The following SLFN12L variants were observed in gnomAD, a reference collection of about 807,000 sequenced individuals.
SLFN12L encodes the protein schlafen family member 12-like.
SLFN12L carries 34 observed loss-of-function variants against 34.8 expected under a neutral mutation model. That is an observed-to-expected ratio of 0.98 (90% CI 0.74 to 1.30). The LOEUF is 1.30. SLFN12L is among the 50% of genes most tolerant of loss of function. SLFN12L has a pLI of 0.00. For synonymous variants in SLFN12L, 259 were observed against 247.5 expected (o/e 1.05, Z -0.44); for missense variants, 703 against 696.2 (o/e 1.01, Z -0.11).
In SLFN12L at chr17:35,522,745, T is replaced by C. The variant is rs1280936843; in HGVS notation, c.-381A>G. On this transcript the variant is annotated 5_prime_UTR_variant, in exon 2 of 5. Transcript: ENST00000628453. Reference sequence around the variant, plus strand: ...CAAAGTAAGGGCAGTGCAAGTGCAGTAGTCCTGGCCCTGCCAGGGCTGTTC... The same window carrying C: ...CAAAGTAAGGGCAGTGCAAGTGCAGCAGTCCTGGCCCTGCCAGGGCTGTTC... The C allele has an allele frequency of 4.3e-6, 7 of 1,612,258 alleles. No individual in the cohort carries two copies. The African/African-American group carries it at 9.3e-5, about 22-fold the overall frequency.
chr17:35,522,272 T>C lies in SLFN12L; in HGVS notation c.86+7A>G. ...AATACTTAGAGACATAAGGTCCAAC[T>C]GCTTACCTGATGAAATTCCTCAGAA... On this transcript the variant is annotated splice_region_variant and intron_variant, in intron 2 of 4. Coordinates refer to ENST00000628453, the MANE Select transcript of SLFN12L (RefSeq NM_001363830.2). 1 of 1,614,084 alleles carries C rather than the reference T, an allele frequency of 6.2e-7. No homozygotes were observed. The highest frequency in any genetic ancestry group is 8.5e-7 in the Non-Finnish European group (1 of 1,179,980).
In SLFN12L at chr17:35,472,315, T is replaced by G. The variant is rs545747995; in HGVS notation, c.*2608A>C. On this transcript the variant is annotated 3_prime_UTR_variant, in exon 5 of 5. Transcript: ENST00000628453. Reference sequence around the variant, plus strand: ...ATCTTGGGTTAATTTTTGTATAAGGTGTAAGGAAGGGATCCAGTTTCAGTT... The same window carrying G: ...ATCTTGGGTTAATTTTTGTATAAGGGGTAAGGAAGGGATCCAGTTTCAGTT... 3.0e-4 allele frequency among the ~76,000 whole-genome samples: 45 copies of G among 152,294 alleles called. No homozygotes were observed. The highest frequency in any genetic ancestry group is 1.1e-3 in the African/African-American group (45 of 41,556).
rs565184153 is a variant in SLFN12L, at chr17:35,482,725, C to T, written c.87-2530G>A. Among the ~76,000 whole-genome samples, 10 of 152,266 alleles carry T rather than the reference C, an allele frequency of 6.6e-5. No individual in the cohort carries two copies. The South Asian group carries it at 8.3e-4, about 13-fold the overall frequency. On this transcript the variant is annotated intron_variant, in intron 2 of 4. Transcript: ENST00000628453. The stretch of plus-strand genomic sequence containing the variant: ...CTGGGAGCAAAGGCTGGCCAAACTC[C>T]GGAGACATAAATGGCAGTGGGAGGC...
At chr17:35,499,296 C>G in intron 2 of SLFN12L, 2 of 697,696 alleles carry the variant, frequency 2.9e-6, no homozygotes, top group Non-Finnish European at 4.2e-6. Context: ...ATAGCTAAAG[C>G]CAGACTAATG....
At chr17:35,530,463 A>G (rs1187152320) in intron 1 of SLFN12L, among the ~76,000 whole-genome samples, 2 of 62,854 alleles carry the variant, frequency 3.2e-5, no homozygotes, top group Admixed American at 2.0e-4. Context: ...AAAGAAAGAA[A>G]GAAAGAAAGA....
At chr17:35,536,898 G>A (rs1160001383) in intron 1 of SLFN12L, among the ~76,000 whole-genome samples, 1 of 151,686 alleles carries the variant, frequency 6.6e-6, no homozygotes, top group East Asian at 1.9e-4. Context: ...AGGCGAGGCT[G>A]GGTACGGTGG....
intron 2 of SLFN12L, among the ~76,000 whole-genome samples, chr17:35,511,295 A>G (rs1334207845): frequency 1.3e-5 from 2 of 152,216 alleles, no homozygotes; most frequent in African/African-American, 2.4e-5. Context: ...CTCTTCTGCA[A>G]TAACATTTCA....
chr17:35,473,097 A>G lies in SLFN12L; in HGVS notation c.*1826T>C, dbSNP rs143573479. 8.3e-4 allele frequency among the ~76,000 whole-genome samples: 126 copies of G among 152,356 alleles called. No homozygotes were observed. The highest frequency in any genetic ancestry group is 2.9e-3 in the African/African-American group (121 of 41,576). On this transcript the variant is annotated 3_prime_UTR_variant, in exon 5 of 5. Transcript: ENST00000628453. ...AGATATAAAATCATCTCATCTACAAATAAAGACAATTTGACTTCCTCTCTT... is the reference window on the plus strand; with the variant it reads ...AGATATAAAATCATCTCATCTACAAGTAAAGACAATTTGACTTCCTCTCTT...
intron 2 of SLFN12L, chr17:35,499,143 C>T (rs979116722): frequency 2.3e-6 from 2 of 866,720 alleles, no homozygotes; most frequent in Non-Finnish European, 3.7e-6. Flanking sequence ...AGACATGTCC[C>T]GCATCCATTT....
intron 2 of SLFN12L, chr17:35,510,141 T>C (rs1915592260): frequency 6.6e-6 from 1 of 152,228 alleles, no homozygotes; most frequent in Admixed American, 6.5e-5. Context: ...AAAAGCCAGC[T>C]TCCACTTTCT....
rs775141226 is a variant in SLFN12L at position 35,479,221 on chromosome 17, C to G, written c.1061G>C (p.Cys354Ser). The G allele has an allele frequency of 2.5e-6, 4 of 1,588,562 alleles. No homozygotes were observed. The African/African-American group carries it at 4.0e-5, about 16-fold the overall frequency. ...VYALRVERFCCAVFAKKPDSW... is the reference protein window; with the variant it reads ...VYALRVERFCSAVFAKKPDSW... ...ATCAGGCTTTTTAGCAAACACTGCA[C>G]AGCAGAAGCGTTCCACTCTGAGTGC... The change falls in exon 3 of 5, where the codon TGT (cysteine) becomes TCT (serine). Residue 354 changes from cysteine (C) to serine (S), a missense_variant. Physicochemically the swap from Cys to Ser is moderately radical, Grantham distance 112 (BLOSUM62 -1). Transcript: ENST00000628453.
At chr17:35,516,943 A>G (rs930303731) in intron 2 of SLFN12L, among the ~76,000 whole-genome samples, 1 of 152,188 alleles carries the variant, frequency 6.6e-6, no homozygotes, top group Admixed American at 6.5e-5. Flanking sequence ...ATTCTTTGTC[A>G]TACTAAGTTT....
Position 35,467,746 on chromosome 17 carries a change from T to C in SLFN12L, c.*7177A>G, listed in dbSNP as rs1913738894. On this transcript the variant is annotated 3_prime_UTR_variant, in exon 5 of 5. Transcript: ENST00000628453. ...TTCTCTGGGGTCCAATTAATAGTGA[T>C]TGTCCAATGGGCTAGGCAGCTGCTT... Among the ~76,000 whole-genome samples, 1 of 152,128 alleles carries C rather than the reference T, an allele frequency of 6.6e-6. No individual in the cohort carries two copies. The highest frequency in any genetic ancestry group is 6.5e-5 in the Admixed American group (1 of 15,272).
At position 35,522,741 on chromosome 17, in the gene SLFN12L, G is replaced by C; in HGVS notation, c.-377C>G. 6.2e-7 allele frequency: 1 copy of C among 1,613,150 alleles called. No individual in the cohort carries two copies. The highest frequency in any genetic ancestry group is 1.1e-5 in the South Asian group (1 of 91,042). ...GCTTCAAAGTAAGGGCAGTGCAAGT[G>C]CAGTAGTCCTGGCCCTGCCAGGGCT... is the stretch of plus-strand genomic sequence containing the variant. On this transcript the variant is annotated 5_prime_UTR_variant, in exon 2 of 5. Transcript: ENST00000628453.
chr17:35,494,906 T>TTTA (rs1180529699), intron 2 of SLFN12L, among the ~76,000 whole-genome samples: 1 of 151,126 alleles, frequency 6.6e-6, no homozygotes, highest in African/African-American at 2.4e-5. Flanking sequence ...TATTTATTTA[T>TTTA]TTATTTATTT....
intron 2 of SLFN12L, among the ~76,000 whole-genome samples, chr17:35,519,196 G>C (rs767331364): frequency 1.9e-4 from 29 of 152,074 alleles, no homozygotes; most frequent in Non-Finnish European, 3.5e-4. Context: ...CAGAGGGTAG[G>C]GGGGCAAGGA....
chr17:35,518,549 TA>T (rs145135287), intron 2 of SLFN12L, among the ~76,000 whole-genome samples: 27,066 of 137,704 alleles, frequency 0.2, 3,042 homozygotes, highest in African/African-American at 0.33. Flanking sequence ...AGACTGTATT[TA>T]AAAAAAAAAA....
rs769650994 is a variant in SLFN12L, at chr17:35,479,485, TG to T, written c.796del (p.Gln266AsnfsTer18). On this transcript the variant is annotated frameshift_variant, in exon 3 of 5. Coordinates refer to ENST00000628453, the MANE Select transcript of SLFN12L (RefSeq NM_001363830.2). LOFTEE classifies it high-confidence loss of function. ...LLQRITEILPQYVSAFANTDG... is the reference protein window; with the variant it reads ...LLQRITEILPXYVSAFANTDG... Reference sequence around the variant, plus strand: ...AGTATTTGCAAATGCAGAAACATATTGAGGGAGAATCTCTGTAATTCGTTGT... The same window carrying T: ...AGTATTTGCAAATGCAGAAACATATTAGGGAGAATCTCTGTAATTCGTTGT... 59 of 1,614,210 alleles carry T rather than the reference TG, an allele frequency of 3.7e-5. No homozygotes were observed. In the African/African-American group the frequency reaches 6.9e-4, roughly 19 times the overall value.
At chr17:35,530,093 T>C (rs1195667643) in intron 1 of SLFN12L, among the ~76,000 whole-genome samples, 2 of 147,948 alleles carry the variant, frequency 1.4e-5, no homozygotes, top group Non-Finnish European at 3.0e-5. Context: ...GTACCCTGGC[T>C]AGCCTCCTGG....
Sources: gnomAD v4.1 joint callset for allele counts (sites outside exome capture counted in the v4.1 genomes callset) on GRCh38, gnomAD v4.1.1 for gene constraint, MANE v1.5 for transcripts, NCBI Gene and HGNC (gene_info 2026-07-23, HGNC 2026-07-21) for gene names.